ANKRD55: variants seen among roughly 807,000 people sequenced by gnomAD.
The protein encoded by ANKRD55 is ankyrin repeat domain-containing protein 55.
A neutral mutation model predicts 60.6 loss-of-function variants in ANKRD55; 41 were observed. That is an observed-to-expected ratio of 0.68 (90% CI 0.53 to 0.88). The LOEUF (loss-of-function observed/expected upper bound fraction) is 0.88, where lower values mean the gene tolerates loss of function less well. Among genes scored for constraint, ANKRD55 ranks in the 40% least tolerant of loss-of-function variants. ANKRD55 has a pLI of 0.00. For synonymous variants in ANKRD55, 264 were observed against 290.3 expected (o/e 0.91, Z 0.92); for missense variants, 732 against 767.6 (o/e 0.95, Z 0.55).
chr5:56,191,434 T>G (rs758211627), intron 2 of ANKRD55, among the ~76,000 whole-genome samples: 1 of 152,212 alleles, frequency 6.6e-6, no homozygotes, highest in Non-Finnish European at 1.5e-5. Flanking sequence ...CCTTGGTTAT[T>G]CCTAAGTATT....
At chr5:56,218,479 C>A (rs1581029170) in intron 2 of ANKRD55, among the ~76,000 whole-genome samples, 1 of 152,178 alleles carries the variant, frequency 6.6e-6, no homozygotes, top group African/African-American at 2.4e-5. Flanking sequence ...GACCCTCTAC[C>A]AGCAAAAAGA....
intron 6 of ANKRD55, among the ~76,000 whole-genome samples, chr5:56,154,523 A>T (rs1758143566): frequency 6.6e-6 from 1 of 152,126 alleles, no homozygotes; most frequent in African/African-American, 2.4e-5. Flanking sequence ...GCAATGACCA[A>T]TAACTAAATA....
intron 7 of ANKRD55, among the ~76,000 whole-genome samples, chr5:56,140,870 C>A (rs10223146): frequency 1.3e-5 from 2 of 152,070 alleles, no homozygotes; most frequent in African/African-American, 4.8e-5. Flanking sequence ...CGAGACCAGT[C>A]TGACCCATGT....
rs10567262 is a variant in ANKRD55 at position 56,227,617 on chromosome 5, CTTT to C, written c.58+5236_58+5238del. 2.0e-3 allele frequency among the ~76,000 whole-genome samples: 289 copies of C among 147,964 alleles called. 3 individuals carry two copies. The East Asian group carries it at 0.031, about 16-fold the overall frequency. On this transcript the variant is annotated intron_variant, in intron 2 of 11. Transcript: ENST00000341048. ...CATTAATTTGATTTTCCATTGATGTCTTTTTTTTTTTTTATTAAACCTTATTGC... is the reference window on the plus strand; with the variant it reads ...CATTAATTTGATTTTCCATTGATGTCTTTTTTTTTTATTAAACCTTATTGC...
At chr5:56,116,856 T>A in intron 8 of ANKRD55, 74 bp from the exon 9 acceptor site, 1 of 1,418,120 alleles carries the variant, frequency 7.1e-7, no homozygotes, top group Non-Finnish European at 9.3e-7. Context: ...CAGCAACAGC[T>A]CCTGCTCAAA....
chr5:56,145,076 C>G (rs1757864143), intron 6 of ANKRD55, among the ~76,000 whole-genome samples: 1 of 152,184 alleles, frequency 6.6e-6, no homozygotes, highest in Admixed American at 6.5e-5. Flanking sequence ...GGGCCTCAGC[C>G]TAGACAGGAG....
At chr5:56,185,512 C>T (rs1422955532) in intron 2 of ANKRD55, among the ~76,000 whole-genome samples, 1 of 151,242 alleles carries the variant, frequency 6.6e-6, no homozygotes, top group Non-Finnish European at 1.5e-5. Context: ...ACTAAAAATA[C>T]AAAAAATTAG....
intron 2 of ANKRD55, among the ~76,000 whole-genome samples, chr5:56,194,955 A>G (rs1759195980): frequency 6.6e-6 from 1 of 152,214 alleles, no homozygotes; most frequent in Admixed American, 6.5e-5. Context: ...TTTAAAGCAG[A>G]GTTTTAGAAT....
intron 6 of ANKRD55, among the ~76,000 whole-genome samples, chr5:56,144,673 G>A (rs1298229040): frequency 6.6e-6 from 1 of 152,226 alleles, no homozygotes; most frequent in Non-Finnish European, 1.5e-5. Context: ...ATGATCAGAT[G>A]TACACTGTTT....
intron 2 of ANKRD55, among the ~76,000 whole-genome samples, chr5:56,203,889 T>G (rs1759439020): frequency 6.6e-6 from 1 of 152,160 alleles, no homozygotes; most frequent in African/African-American, 2.4e-5. Context: ...TTTCTAGTTC[T>G]AGATCCCTGA....
intron 2 of ANKRD55, among the ~76,000 whole-genome samples, chr5:56,214,359 C>T (rs1759753067): frequency 6.6e-6 from 1 of 152,230 alleles, no homozygotes. Context: ...ATCACTAGCA[C>T]TTACTAAGTG....
chr5:56,174,587 C>T (rs576802957), intron 4 of ANKRD55, among the ~76,000 whole-genome samples: 25 of 152,018 alleles, frequency 1.6e-4, no homozygotes, highest in Admixed American at 4.6e-4. Context: ...TTTTAAAAAT[C>T]GCCTGGGAGG....
At chr5:56,176,076 T>G (rs1758730209) in intron 4 of ANKRD55, 76 bp downstream of exon 4, 1 of 1,578,766 alleles carries the variant, frequency 6.3e-7, no homozygotes, top group Non-Finnish European at 8.6e-7. Flanking sequence ...AGAATGCTCC[T>G]TTGCAACTGG....
chr5:56,125,289 T>G (rs1470410026), intron 8 of ANKRD55, among the ~76,000 whole-genome samples: 1 of 152,102 alleles, frequency 6.6e-6, no homozygotes, highest in African/African-American at 2.4e-5. Context: ...TTTTCTTTTT[T>G]TTTTTCAGAC....
chr5:56,126,772 TA>T, intron 8 of ANKRD55, 149 bp downstream of exon 8: 3 of 835,390 alleles, frequency 3.6e-6, no homozygotes, highest in Non-Finnish European at 5.3e-6. Context: ...CTCACTAAAA[TA>T]GAGCAATTTT....
intron 4 of ANKRD55, among the ~76,000 whole-genome samples, chr5:56,173,339 A>G (rs1178615106): frequency 6.6e-6 from 1 of 151,900 alleles, no homozygotes; most frequent in Non-Finnish European, 1.5e-5. Context: ...CTGGGACTAC[A>G]TGCATGCGCC....
At chr5:56,135,271 C>CTTTCTTTCTTT (rs1486823585) in intron 7 of ANKRD55, among the ~76,000 whole-genome samples, 1 of 120,822 alleles carries the variant, frequency 8.3e-6, no homozygotes, top group South Asian at 3.1e-4. Flanking sequence ...TCTTTCCCTC[C>CTTTCTTTCTTT]CTCCCTCCCT....
chr5:56,133,171 T>C lies in ANKRD55; in HGVS notation c.613-6065A>G, dbSNP rs184169991. Among the ~76,000 whole-genome samples the C allele has an allele frequency of 1.5e-3, 233 of 152,332 alleles. 1 individual carries two copies. Among genetic ancestry groups the C allele is most frequent in the African/African-American group, 5.4e-3 (224 of 41,576 alleles). The stretch of plus-strand genomic sequence containing the variant: ...AATACAATTAATTGGCCGGGCACGA[T>C]GGCTCATGCCTGTAATCCCAGCACT... On this transcript the variant is annotated intron_variant, in intron 7 of 11. Transcript: ENST00000341048.
At chr5:56,224,057 C>G (rs1487554723) in intron 2 of ANKRD55, among the ~76,000 whole-genome samples, 3 of 152,210 alleles carry the variant, frequency 2.0e-5, no homozygotes, top group Non-Finnish European at 4.4e-5. Flanking sequence ...CCACACCGCA[C>G]TTATTCCAAA....
Sources: allele counts gnomAD v4.1 joint callset (sites outside exome capture counted in the v4.1 genomes callset), GRCh38; gene constraint gnomAD v4.1.1; transcripts MANE v1.5; gene names NCBI Gene and HGNC (gene_info 2026-07-23, HGNC 2026-07-21).